Variants in ASCC3 observed in about 807,000 individuals in gnomAD.
ASCC3 encodes the protein ASC-1 complex subunit P200.
ASCC3 carries 158 observed loss-of-function variants against 256.3 expected under a neutral mutation model. The observed-to-expected ratio is 0.62, with a 90% CI of 0.54 to 0.70. ASCC3 has a LOEUF of 0.70. Ranked by LOEUF, ASCC3 falls within the 30% of genes least tolerant of loss-of-function variation. The pLI is 0.00. For missense variants in ASCC3, 2,259 were observed against 2,626.0 expected, an observed-to-expected ratio of 0.86 and a Z score of 3.05; for synonymous variants, 948 against 883.4, an observed-to-expected ratio of 1.07 and a Z score of -1.30.
rs1490609693 is a variant in ASCC3 at position 100,649,697 on chromosome 6, C to A, written c.3252+841G>T. On this transcript the variant is annotated intron_variant, in intron 20 of 41. Transcript: ENST00000369162. ...TTTAGTCTTTCTTTGAACAAAATTACAAATATAACAGCAGAATCATTTCCA... is the reference window on the plus strand; with the variant it reads ...TTTAGTCTTTCTTTGAACAAAATTAAAAATATAACAGCAGAATCATTTCCA... Among the ~76,000 whole-genome samples the A allele has an allele frequency of 2.0e-5, 3 of 151,306 alleles. No individual in the cohort carries two copies. The East Asian group carries it at 5.8e-4, about 29-fold the overall frequency.
At chr6:100,541,073 A>G (rs1775435154) in intron 36 of ASCC3, among the ~76,000 whole-genome samples, 1 of 152,130 alleles carries the variant, frequency 6.6e-6, no homozygotes, top group African/African-American at 2.4e-5. Flanking sequence ...TTGAACCTAC[A>G]AGCGAAACTA....
rs899898701 is a variant in ASCC3 at position 100,731,079 on chromosome 6, G to A, written c.1738-5376C>T. ...TATTTTCATATTAGGAAAAATAAAT[G>A]ATACTATTTTTAGCTAAAATTTCAA... is the stretch of plus-strand genomic sequence containing the variant. On this transcript the variant is annotated intron_variant, in intron 10 of 41. Coordinates refer to ENST00000369162, the MANE Select transcript of ASCC3 (RefSeq NM_006828.4). 2.6e-5 allele frequency among the ~76,000 whole-genome samples: 4 copies of A among 151,570 alleles called. 1 individual carries two copies. Among genetic ancestry groups the A allele is most frequent in the Middle Eastern group, 6.8e-3 (2 of 294 alleles).
chr6:100,793,596 A>T (rs1333104520), intron 8 of ASCC3, among the ~76,000 whole-genome samples: 1 of 152,064 alleles, frequency 6.6e-6, no homozygotes, highest in Admixed American at 6.6e-5. Flanking sequence ...ATGATTTCAT[A>T]AATTTCATGA....
chr6:100,594,110 T>C (rs1385850830), intron 34 of ASCC3, among the ~76,000 whole-genome samples: 1 of 152,118 alleles, frequency 6.6e-6, no homozygotes, highest in Non-Finnish European at 1.5e-5. Flanking sequence ...TTACTTTTGG[T>C]GTGCTGTGGC....
chr6:100,745,509 A>C (rs1780622217), intron 10 of ASCC3, among the ~76,000 whole-genome samples: 1 of 151,974 alleles, frequency 6.6e-6, no homozygotes, highest in East Asian at 1.9e-4. Context: ...CTAACCAAAA[A>C]AAAAAAACAA....
chr6:100,601,848 G>C lies in ASCC3; in HGVS notation c.5265C>G (p.Thr1755=). The C allele has an allele frequency of 1.2e-6, 2 of 1,612,592 alleles. No individual in the cohort carries two copies. Among genetic ancestry groups the C allele is most frequent in the Non-Finnish European group, 1.7e-6 (2 of 1,178,982 alleles). The stretch of plus-strand genomic sequence containing the variant: ...TAAGACGTCGGAAAAAGTAAGTCCA[G>C]GTGATATAATCCAATGCATCTTGCT... ...TSKQDALDYI[T]WTYFFRRLIM... Residue 1755 remains threonine, a synonymous_variant, in exon 34 of 42, where the codon ACC becomes ACG. Transcript: ENST00000369162.
intron 13 of ASCC3, among the ~76,000 whole-genome samples, chr6:100,690,063 C>A (rs1044232612): frequency 1.3e-5 from 2 of 152,064 alleles, no homozygotes; most frequent in Non-Finnish European, 2.9e-5. Context: ...ACAGTCTTCC[C>A]TTGGTATCCA....
intron 10 of ASCC3, among the ~76,000 whole-genome samples, chr6:100,765,970 T>C (rs1463032869): frequency 3.9e-5 from 6 of 152,210 alleles, no homozygotes; most frequent in Non-Finnish European, 7.4e-5. Context: ...CTTACTTATA[T>C]ATTGCTTTCA....
At chr6:100,746,236 T>C (rs971944557) in intron 10 of ASCC3, among the ~76,000 whole-genome samples, 1 of 149,734 alleles carries the variant, frequency 6.7e-6, no homozygotes, top group Non-Finnish European at 1.5e-5. Context: ...TCAATCCCGG[T>C]GATCTACTCC....
intron 36 of ASCC3, among the ~76,000 whole-genome samples, chr6:100,544,715 C>G (rs1775624073): frequency 1.3e-5 from 2 of 152,016 alleles, no homozygotes; most frequent in Admixed American, 1.3e-4. Context: ...TGATAGCTTC[C>G]CTAGTGAATT....
chr6:100,510,625 AACTC>A (rs759032523), intron 40 of ASCC3, among the ~76,000 whole-genome samples: 9 of 152,202 alleles, frequency 5.9e-5, no homozygotes, highest in Non-Finnish European at 1.0e-4. Flanking sequence ...CCAAGAATAA[AACTC>A]ACATAAAAAA....
chr6:100,670,735 T>C (rs1428039502), intron 14 of ASCC3, among the ~76,000 whole-genome samples: 1 of 151,958 alleles, frequency 6.6e-6, no homozygotes, highest in Non-Finnish European at 1.5e-5. Flanking sequence ...AAGTATAAAT[T>C]GGAACAATAT....
intron 17 of ASCC3, among the ~76,000 whole-genome samples, chr6:100,653,517 A>G (rs1313990247): frequency 1.3e-5 from 2 of 151,756 alleles, no homozygotes. Context: ...GCGCGCCTGT[A>G]ATCCCAGCTA....
chr6:100,694,312 A>T (rs985060876), intron 13 of ASCC3, among the ~76,000 whole-genome samples: 17 of 124,136 alleles, frequency 1.4e-4, no homozygotes, highest in Non-Finnish European at 1.9e-4. Flanking sequence ...AGAATAAATT[A>T]AAAAAAAAAA....
intron 13 of ASCC3, among the ~76,000 whole-genome samples, chr6:100,699,174 C>G (rs1179882277): frequency 6.6e-6 from 1 of 152,172 alleles, no homozygotes; most frequent in Non-Finnish European, 1.5e-5. Flanking sequence ...TGTCCCCACA[C>G]AAATCTCATC....
chr6:100,648,643 T>G (rs1035101592), intron 20 of ASCC3, among the ~76,000 whole-genome samples: 1 of 151,988 alleles, frequency 6.6e-6, no homozygotes, highest in African/African-American at 2.4e-5. Flanking sequence ...TGGGTCTTTA[T>G]AAGGCCCAGA....
intron 5 of ASCC3, among the ~76,000 whole-genome samples, chr6:100,802,846 AT>A (rs1044529933): frequency 1.3e-5 from 2 of 149,846 alleles, no homozygotes; most frequent in African/African-American, 2.5e-5. Context: ...TAAAAAAAAA[AT>A]TTTTTTTTTA....
chr6:100,679,808 A>AT, intron 13 of ASCC3, 56 bp from the exon 14 acceptor site: 4 of 1,559,484 alleles, frequency 2.6e-6, no homozygotes, highest in Non-Finnish European at 3.5e-6. Context: ...TTACAGCTTA[A>AT]TAGTAGCCTG....
intron 30 of ASCC3, among the ~76,000 whole-genome samples, chr6:100,624,961 C>A (rs923462930): frequency 5.3e-5 from 8 of 151,526 alleles, no homozygotes; most frequent in African/African-American, 1.7e-4. Flanking sequence ...TTGAATGTTA[C>A]AATATACACA....
Sources: gnomAD v4.1 joint callset for allele counts (sites outside exome capture counted in the v4.1 genomes callset) on GRCh38, gnomAD v4.1.1 for gene constraint, MANE v1.5 for transcripts, NCBI Gene and HGNC (gene_info 2026-07-23, HGNC 2026-07-21) for gene names.